AOPEP: variants seen among roughly 807,000 people sequenced by gnomAD.
The protein encoded by AOPEP is aminopeptidase O.
A neutral mutation model predicts 98.1 loss-of-function variants in AOPEP; 77 were observed. That is an observed-to-expected ratio of 0.78 (90% CI 0.65 to 0.95). The LOEUF (loss-of-function observed/expected upper bound fraction) is 0.95, where lower values mean the gene tolerates loss of function less well. Ranked by LOEUF, AOPEP falls within the 40% of genes least tolerant of loss-of-function variation. AOPEP has a pLI of 0.00. For synonymous variants in AOPEP, 346 were observed against 365.3 expected, an observed-to-expected ratio of 0.95 and a Z score of 0.60; for missense variants, 1,024 against 1,024.7, an observed-to-expected ratio of 1.00 and a Z score of 0.01.
chr9:94,910,239 C>T (rs952961989), intron 5 of AOPEP, among the ~76,000 whole-genome samples: 2 of 152,182 alleles, frequency 1.3e-5, no homozygotes, highest in South Asian at 2.1e-4. Flanking sequence ...GATTGTGAAC[C>T]GACTAGGCCA....
At chr9:94,829,589 C>T (rs1855489638) in intron 5 of AOPEP, among the ~76,000 whole-genome samples, 1 of 152,208 alleles carries the variant, frequency 6.6e-6, no homozygotes, top group South Asian at 2.1e-4. Flanking sequence ...CCCTCAGCAG[C>T]TGGCTGCAGC....
intron 14 of AOPEP, among the ~76,000 whole-genome samples, chr9:95,067,168 GATCT>G (rs1162200473): frequency 1.3e-5 from 2 of 152,100 alleles, no homozygotes; most frequent in African/African-American, 4.8e-5. Flanking sequence ...GTGAGAGGTG[GATCT>G]GTCTGGACTT....
chr9:95,136,535 A>G, the AOPEP span, among the ~76,000 whole-genome samples: 1 of 151,296 alleles, frequency 6.6e-6, no homozygotes, highest in East Asian at 1.9e-4. Context: ...CACCCAGGCT[A>G]GAGTGCAATG....
chr9:95,110,293 T>C, the AOPEP span: 1 of 1,013,448 alleles, frequency 9.9e-7, no homozygotes, highest in East Asian at 6.8e-5. Context: ...ACCTTTTGAC[T>C]GTGATGGAAT....
intron 5 of AOPEP, among the ~76,000 whole-genome samples, chr9:94,829,171 T>A (rs1188507385): frequency 1.3e-5 from 2 of 151,922 alleles, no homozygotes; most frequent in Non-Finnish European, 2.9e-5. Flanking sequence ...GCCTGGCCAC[T>A]AAGTTTCAAG....
chr9:95,148,345 C>T, the AOPEP span, among the ~76,000 whole-genome samples: 2 of 152,210 alleles, frequency 1.3e-5, no homozygotes, highest in South Asian at 2.1e-4. Context: ...CACTTGACCA[C>T]TTTTTGTCAT....
In AOPEP at chr9:94,920,323, C is replaced by CA. The variant is rs910289482; in HGVS notation, c.1365-3652dup. On this transcript the variant is annotated intron_variant, in intron 5 of 16. Transcript: ENST00000375315. ...GGGCAACAAGAGGGAAACTCCGTCTCAAAAAAAAAAATGTAAACTTGCTCT... is the reference window on the plus strand; with the variant it reads ...GGGCAACAAGAGGGAAACTCCGTCTCAAAAAAAAAAAATGTAAACTTGCTCT... The CA allele has an allele frequency of 2.9e-3, 420 of 146,402 alleles. 5 individuals are homozygous for CA. The highest frequency in any genetic ancestry group is 0.027 in the East Asian group (136 of 5,038). 9.1% of individuals were successfully genotyped at this position (146,402 alleles called of 1,614,324 possible).
rs1309670230 is a variant in AOPEP, at chr9:95,013,000, A to C, written c.2115+7384A>C. ...CTGTTTTTTTTTTGGGGGGGGGGGC[A>C]GGGCGATTATCTCTTATCTTTTCTA... is the stretch of plus-strand genomic sequence containing the variant. On this transcript the variant is annotated intron_variant, in intron 13 of 16. Coordinates refer to ENST00000375315, the MANE Select transcript of AOPEP (RefSeq NM_001193329.3). 1.3e-4 allele frequency among the ~76,000 whole-genome samples: 9 copies of C among 68,474 alleles called. No individual in the cohort carries two copies. In the East Asian group the frequency reaches 1.8e-3, roughly 14 times the overall value. The allele number at this position is 68,474 out of a possible 152,430, so 44.9% of individuals were successfully genotyped here. A position where few individuals can be genotyped will look rare whatever the true frequency, so the allele number is the denominator to read the frequency against.
intron 5 of AOPEP, among the ~76,000 whole-genome samples, chr9:94,920,663 C>T (rs41316526): frequency 0.037 from 5,685 of 152,326 alleles, 131 homozygotes; most frequent in Admixed American, 0.068. Flanking sequence ...GGGAGCAGCT[C>T]CTGGGAGTAA....
chr9:95,104,801 G>A, the AOPEP span, among the ~76,000 whole-genome samples: 1 of 152,106 alleles, frequency 6.6e-6, no homozygotes, highest in Non-Finnish European at 1.5e-5. Context: ...GGTTGGGGAG[G>A]AAGTGCCTGA....
chr9:94,907,034 G>T (rs10821413), intron 5 of AOPEP, among the ~76,000 whole-genome samples: 60,951 of 151,912 alleles, frequency 0.4, 12,933 homozygotes, highest in East Asian at 0.62. Flanking sequence ...GTTCCAGGTC[G>T]GAATTTTCCT....
rs550479961 is a variant in AOPEP at position 94,989,311 on chromosome 9, C to T, written c.1977+9884C>T. On this transcript the variant is annotated intron_variant, in intron 11 of 16. Coordinates refer to ENST00000375315, the MANE Select transcript of AOPEP (RefSeq NM_001193329.3). ...TAGAGACGGGGTTTCACTGTGTTAG[C>T]GAGGATGGTCTTGATCTCCTGACCT... 1.9e-4 allele frequency among the ~76,000 whole-genome samples: 29 copies of T among 152,132 alleles called. No homozygotes were observed. The South Asian group carries it at 4.2e-3, about 22-fold the overall frequency.
In AOPEP at chr9:94,929,461, A is replaced by G. The variant is rs897096848; in HGVS notation, c.1661+930A>G. Among the ~76,000 whole-genome samples the G allele has an allele frequency of 2.3e-4, 35 of 152,278 alleles. 1 individual carries two copies. The highest frequency in any genetic ancestry group is 8.0e-4 in the African/African-American group (33 of 41,480). ...GAGCTGGCTGGGACTTTTGTGCAGCACTGCAGAATGTTGGGGTATGGCAAG... is the reference window on the plus strand; with the variant it reads ...GAGCTGGCTGGGACTTTTGTGCAGCGCTGCAGAATGTTGGGGTATGGCAAG... On this transcript the variant is annotated intron_variant, in intron 7 of 16. Coordinates refer to ENST00000375315, the MANE Select transcript of AOPEP (RefSeq NM_001193329.3).
chr9:94,870,063 A>C (rs1449203888), intron 5 of AOPEP, among the ~76,000 whole-genome samples: 1 of 139,554 alleles, frequency 7.2e-6, no homozygotes, highest in African/African-American at 2.7e-5. Flanking sequence ...ATCTCGGCTC[A>C]CTGCAACCTC....
chr9:95,068,544 T>C (rs1430457800), intron 14 of AOPEP, among the ~76,000 whole-genome samples: 2 of 152,256 alleles, frequency 1.3e-5, no homozygotes, highest in Non-Finnish European at 1.5e-5. Flanking sequence ...ATAATAGTTC[T>C]TTATATAGTC....
At chr9:94,741,698 GT>G (rs1168338021) in intron 1 of AOPEP, among the ~76,000 whole-genome samples, 1 of 152,010 alleles carries the variant, frequency 6.6e-6, no homozygotes, top group Non-Finnish European at 1.5e-5. Context: ...AATAGATTAA[GT>G]TAGTAGTAAT....
At chr9:94,750,235 T>A (rs1457790133) in intron 1 of AOPEP, among the ~76,000 whole-genome samples, 1 of 152,198 alleles carries the variant, frequency 6.6e-6, no homozygotes, top group Non-Finnish European at 1.5e-5. Context: ...TTCCTTCTTT[T>A]CTCTCCAGCT....
rs2058264127 is a variant in AOPEP, at chr9:94,953,693, G to A, written c.1662-1484G>A. ...ATATTCCAAAGGCTGCATACCTTCT[G>A]CACCACCACACTACCTTTTAAAATA... On this transcript the variant is annotated intron_variant, in intron 7 of 16. Transcript: ENST00000375315. Among the ~76,000 whole-genome samples, 3 of 152,108 alleles carry A rather than the reference G, an allele frequency of 2.0e-5. No individual in the cohort carries two copies. The South Asian group carries it at 6.2e-4, about 32-fold the overall frequency.
intron 16 of AOPEP, chr9:95,085,843 A>G (rs2070598217): frequency 1.8e-6 from 2 of 1,112,756 alleles, no homozygotes. Context: ...ATCATGTGGT[A>G]GCTCATGGCT....
Sources: gnomAD v4.1 joint callset for allele counts (sites outside exome capture counted in the v4.1 genomes callset) on GRCh38, gnomAD v4.1.1 for gene constraint, MANE v1.5 for transcripts, NCBI Gene and HGNC (gene_info 2026-07-23, HGNC 2026-07-21) for gene names.